Variants in KITLG observed in about 807,000 individuals in gnomAD.
KITLG encodes the protein KIT ligand, also known as c-Kit ligand.
KITLG carries 13 observed loss-of-function variants against 34.1 expected under a neutral mutation model. The observed-to-expected ratio is 0.38, with a 90% CI of 0.25 to 0.61. The LOEUF is 0.61. KITLG is among the 20% of genes least tolerant of loss of function. The pLI is 0.60. For synonymous variants in KITLG, 110 were observed against 104.0 expected (o/e 1.06, Z -0.35); for missense variants, 292 against 318.9 (o/e 0.92, Z 0.64).
intron 6 of KITLG, among the ~76,000 whole-genome samples, chr12:88,507,633 G>C (rs1390046978): frequency 6.6e-6 from 1 of 152,110 alleles, no homozygotes; most frequent in African/African-American, 2.4e-5. Context: ...GTATTTTTAG[G>C]TATCTCATGC....
chr12:88,553,870 T>G (rs2120933749), intron 1 of KITLG, among the ~76,000 whole-genome samples: 1 of 152,294 alleles, frequency 6.6e-6, no homozygotes, highest in African/African-American at 2.4e-5. Context: ...GAGCAGACAG[T>G]AGCAGACAGT....
chr12:88,497,421 G>A (rs1868684437), intron 9 of KITLG, among the ~76,000 whole-genome samples: 1 of 152,012 alleles, frequency 6.6e-6, no homozygotes, highest in Non-Finnish European at 1.5e-5. Context: ...TATTATCTAT[G>A]TCCTCCCATT....
chr12:88,549,563 T>A (rs1385861835), intron 1 of KITLG, among the ~76,000 whole-genome samples: 1 of 152,162 alleles, frequency 6.6e-6, no homozygotes, highest in Non-Finnish European at 1.5e-5. Context: ...AAGATGGTGT[T>A]GCCATCAACT....
Position 88,580,311 on chromosome 12 carries a change from A to T in KITLG, c.-33T>A, listed in dbSNP as rs1305960265. On this transcript the variant is annotated 5_prime_UTR_variant, in exon 1 of 10. Coordinates refer to ENST00000644744, the MANE Select transcript of KITLG (RefSeq NM_000899.5). ...GGCAGCGCTGCGATCCAGCACAAAC[A>T]GTGGTGTGGCGACTCCGTTTAGCTG... 1 of 1,610,620 alleles carries T rather than the reference A, an allele frequency of 6.2e-7. No individual in the cohort carries two copies. Among genetic ancestry groups the T allele is most frequent in the African/African-American group, 1.3e-5 (1 of 74,886 alleles).
intron 1 of KITLG, 113 bp from the exon 2 acceptor site, chr12:88,545,978 TG>T: frequency 1.3e-6 from 1 of 754,582 alleles, no homozygotes; most frequent in Non-Finnish European, 2.4e-6. Context: ...TATATGTTAT[TG>T]GCTTAAATGC....
At position 88,580,312 on chromosome 12, in the gene KITLG, G is replaced by A. The variant is rs1200702522; in HGVS notation, c.-34C>T. The stretch of plus-strand genomic sequence containing the variant: ...GCAGCGCTGCGATCCAGCACAAACA[G>A]TGGTGTGGCGACTCCGTTTAGCTGT... On this transcript the variant is annotated 5_prime_UTR_variant, in exon 1 of 10. Transcript: ENST00000644744. The A allele has an allele frequency of 6.2e-7, 1 of 1,610,546 alleles. No homozygotes were observed. Among genetic ancestry groups the A allele is most frequent in the Non-Finnish European group, 8.5e-7 (1 of 1,178,384 alleles).
At chr12:88,576,541 C>T (rs1395435976) in intron 1 of KITLG, among the ~76,000 whole-genome samples, 1 of 152,052 alleles carries the variant, frequency 6.6e-6, no homozygotes, top group Admixed American at 6.6e-5. Context: ...CTTAAAACCA[C>T]CATGCGAGAA....
intron 2 of KITLG, among the ~76,000 whole-genome samples, chr12:88,540,799 T>A (rs187311154): frequency 1.5e-4 from 23 of 152,290 alleles, no homozygotes; most frequent in Admixed American, 1.3e-3. Flanking sequence ...GTCCTTTTTT[T>A]AAAATACAAA....
At chr12:88,519,229 G>GA (rs1428358685) in intron 3 of KITLG, among the ~76,000 whole-genome samples, 1 of 152,094 alleles carries the variant, frequency 6.6e-6, no homozygotes, top group East Asian at 1.9e-4. Flanking sequence ...ATTGTAACAG[G>GA]AAGAGAAGGG....
At chr12:88,523,256 A>G (rs956130014) in intron 3 of KITLG, among the ~76,000 whole-genome samples, 1 of 152,230 alleles carries the variant, frequency 6.6e-6, no homozygotes, top group Admixed American at 6.5e-5. Flanking sequence ...AATACTGAGG[A>G]CCAGTCTCAC....
intron 2 of KITLG, among the ~76,000 whole-genome samples, chr12:88,541,390 T>G (rs780832630): frequency 6.0e-4 from 91 of 152,230 alleles, no homozygotes; most frequent in Non-Finnish European, 9.3e-4. Context: ...CAATAGAAAG[T>G]TAAAGACAAA....
At chr12:88,560,908 C>T (rs41301121) in intron 1 of KITLG, among the ~76,000 whole-genome samples, 2 of 127,418 alleles carry the variant, frequency 1.6e-5, no homozygotes, top group African/African-American at 5.8e-5. Context: ...GCGGAGGTTG[C>T]GGTGAGCCGA....
At chr12:88,524,403 A>C (rs1315197186) in intron 3 of KITLG, among the ~76,000 whole-genome samples, 1 of 152,214 alleles carries the variant, frequency 6.6e-6, no homozygotes, top group Non-Finnish European at 1.5e-5. Context: ...AACTATTTCT[A>C]ATGAAAATTT....
At chr12:88,565,296 A>C (rs1394632773) in intron 1 of KITLG, among the ~76,000 whole-genome samples, 2 of 152,182 alleles carry the variant, frequency 1.3e-5, no homozygotes, top group Admixed American at 1.3e-4. Context: ...GAATCCATTT[A>C]CCATATTTGT....
chr12:88,572,115 A>C (rs1871671225), intron 1 of KITLG, among the ~76,000 whole-genome samples: 1 of 152,226 alleles, frequency 6.6e-6, no homozygotes, highest in African/African-American at 2.4e-5. Context: ...CAAACACTTG[A>C]CACATAGTAC....
intron 1 of KITLG, among the ~76,000 whole-genome samples, chr12:88,556,003 C>T (rs1364258929): frequency 6.6e-6 from 1 of 151,776 alleles, no homozygotes; most frequent in Admixed American, 6.6e-5. Flanking sequence ...GGGAGGGGGG[C>T]ATTTGGGGGA....
chr12:88,497,674 G>C (rs915177080), intron 9 of KITLG, among the ~76,000 whole-genome samples: 12 of 152,186 alleles, frequency 7.9e-5, no homozygotes, highest in Non-Finnish European at 1.5e-4. Flanking sequence ...GAGAAGGATT[G>C]ACGAACAAAG....
In KITLG at chr12:88,511,029, CCTAGCTAAAAG is replaced by C. The variant is rs1169928278; in HGVS notation, c.605-3903_605-3893del. Among the ~76,000 whole-genome samples, 3 of 151,998 alleles carry C rather than the reference CCTAGCTAAAAG, an allele frequency of 2.0e-5. No homozygotes were observed. In the East Asian group the frequency reaches 5.8e-4, roughly 29 times the overall value. ...AGTGGCATATTCATGAGTGACATCA[CCTAGCTAAAAG>C]TTGCTGACAATGCAAGACTCAAAAT... is the stretch of plus-strand genomic sequence containing the variant. On this transcript the variant is annotated intron_variant, in intron 6 of 9. Transcript: ENST00000644744.
At chr12:88,545,482 C>G (rs1211531911) in intron 2 of KITLG, among the ~76,000 whole-genome samples, 1 of 152,212 alleles carries the variant, frequency 6.6e-6, no homozygotes, top group East Asian at 1.9e-4. Flanking sequence ...CAAGGTCCTT[C>G]ACTGCCTATG....
Sources: allele counts gnomAD v4.1 joint callset (sites outside exome capture counted in the v4.1 genomes callset), GRCh38; gene constraint gnomAD v4.1.1; transcripts MANE v1.5; gene names NCBI Gene and HGNC (gene_info 2026-07-23, HGNC 2026-07-21).